Variants in HEPACAM2 observed in about 807,000 individuals in gnomAD.
HEPACAM2 encodes mitotic kinetics regulator.
In HEPACAM2, 49 loss-of-function variants were observed where a neutral mutation model predicts 49.6. The observed-to-expected ratio is 0.99, with a 90% CI of 0.78 to 1.25. The LOEUF (loss-of-function observed/expected upper bound fraction) is 1.25, where lower values mean the gene tolerates loss of function less well. Among genes scored for constraint, HEPACAM2 ranks in the 50% most tolerant of loss-of-function variants. The pLI is 0.00. For synonymous variants in HEPACAM2, 197 were observed against 202.9 expected, an observed-to-expected ratio of 0.97 and a Z score of 0.25; for missense variants, 525 against 557.2, an observed-to-expected ratio of 0.94 and a Z score of 0.58.
chr7:93,226,315 TA>T (rs200511300), intron 1 of HEPACAM2, 52 bp downstream of exon 1: 24,208 of 1,070,976 alleles, frequency 0.023, no homozygotes, highest in Non-Finnish European at 0.025. Context: ...TGTCCACAAT[TA>T]AAAAAAAAAA....
intron 1 of HEPACAM2, among the ~76,000 whole-genome samples, chr7:93,220,202 C>A (rs1794419331): frequency 6.6e-6 from 1 of 152,214 alleles, no homozygotes; most frequent in African/African-American, 2.4e-5. Context: ...GTTTCATGAA[C>A]AGAAAAGGGC....
chr7:93,191,155 A>T (rs945877681), intron 9 of HEPACAM2, among the ~76,000 whole-genome samples: 16 of 152,028 alleles, frequency 1.1e-4, no homozygotes, highest in African/African-American at 3.6e-4. Context: ...TTAAAATATC[A>T]TGTAATAATA....
chr7:93,213,173 A>G (rs1473429936), intron 3 of HEPACAM2, among the ~76,000 whole-genome samples: 2 of 151,896 alleles, frequency 1.3e-5, no homozygotes, highest in Non-Finnish European at 2.9e-5. Context: ...TCTCCACTGC[A>G]GCATTGCCAT....
the HEPACAM2 span, chr7:93,232,212 C>G: frequency 1.3e-5 from 6 of 457,798 alleles, no homozygotes; most frequent in Non-Finnish European, 2.4e-5. Context: ...GTAATATTTA[C>G]CGGCTTAACT....
chr7:93,205,988 A>G (rs1428100964), intron 4 of HEPACAM2, among the ~76,000 whole-genome samples: 2 of 152,144 alleles, frequency 1.3e-5, no homozygotes, highest in Admixed American at 6.6e-5. Flanking sequence ...AAAGGCAATT[A>G]TCTGACGTTA....
chr7:93,194,725 T>TA (rs1793643721), intron 8 of HEPACAM2, among the ~76,000 whole-genome samples: 1 of 152,056 alleles, frequency 6.6e-6, no homozygotes, highest in African/African-American at 2.4e-5. Context: ...ATAGTCTTTT[T>TA]AACAAATGGA....
chr7:93,202,887 C>T (rs1442392085), intron 4 of HEPACAM2, among the ~76,000 whole-genome samples: 1 of 152,118 alleles, frequency 6.6e-6, no homozygotes, highest in African/African-American at 2.4e-5. Flanking sequence ...AGATAAGATA[C>T]ATATGTTCCC....
chr7:93,208,363 TC>T (rs1794082337), intron 4 of HEPACAM2, among the ~76,000 whole-genome samples: 1 of 152,068 alleles, frequency 6.6e-6, no homozygotes, highest in Non-Finnish European at 1.5e-5. Flanking sequence ...TCATAGCCCT[TC>T]ACAATTGAAT....
intron 1 of HEPACAM2, among the ~76,000 whole-genome samples, chr7:93,224,579 A>C (rs1398185907): frequency 7.9e-5 from 12 of 152,176 alleles, no homozygotes; most frequent in Admixed American, 7.9e-4. Flanking sequence ...TGACAATAGC[A>C]CTATAAAAAA....
intron 3 of HEPACAM2, among the ~76,000 whole-genome samples, chr7:93,214,243 A>G (rs1794248311): frequency 6.6e-6 from 1 of 152,150 alleles, no homozygotes; most frequent in Admixed American, 6.6e-5. Context: ...AAGTGAATGA[A>G]TGAATATCAA....
intron 4 of HEPACAM2, among the ~76,000 whole-genome samples, chr7:93,198,705 C>T (rs969683024): frequency 6.6e-6 from 1 of 152,134 alleles, no homozygotes; most frequent in East Asian, 1.9e-4. Flanking sequence ...TCATGTGATG[C>T]CATTTCCATT....
intron 3 of HEPACAM2, among the ~76,000 whole-genome samples, chr7:93,214,106 A>G (rs1794245116): frequency 6.6e-6 from 1 of 152,160 alleles, no homozygotes; most frequent in South Asian, 2.1e-4. Flanking sequence ...TATTAAATTA[A>G]TGGGTCTGGG....
At chr7:93,210,064 G>A (rs1319697371) in intron 3 of HEPACAM2, among the ~76,000 whole-genome samples, 1 of 151,896 alleles carries the variant, frequency 6.6e-6, no homozygotes, top group African/African-American at 2.4e-5. Flanking sequence ...GCCAGTAGGT[G>A]AAGACACTTT....
In HEPACAM2 at chr7:93,197,403, A is replaced by G; in HGVS notation, c.1139-6T>C. On this transcript the variant is annotated splice_polypyrimidine_tract_variant and splice_region_variant and intron_variant, in intron 5 of 9. Transcript: ENST00000394468. ...TTCTAGTTTCTGTTTTATAACTAAAATCAAGAGAGAAGAAAAATGGTAAGG... is the reference window on the plus strand; with the variant it reads ...TTCTAGTTTCTGTTTTATAACTAAAGTCAAGAGAGAAGAAAAATGGTAAGG... 6.3e-7 allele frequency: 1 copy of G among 1,593,734 alleles called. No homozygotes were observed. The highest frequency in any genetic ancestry group is 8.5e-7 in the Non-Finnish European group (1 of 1,170,946).
chr7:93,217,851 T>C (rs947341339), intron 2 of HEPACAM2, among the ~76,000 whole-genome samples: 1 of 150,686 alleles, frequency 6.6e-6, no homozygotes, highest in East Asian at 2.0e-4. Flanking sequence ...CTCTCTCTCT[T>C]TCTATTTTCT....
At chr7:93,190,532 G>T in intron 9 of HEPACAM2, among the ~76,000 whole-genome samples, 1 of 152,032 alleles carries the variant, frequency 6.6e-6, no homozygotes. Context: ...GGGAGGTGGA[G>T]ATGTCACTCA....
chr7:93,226,524 T>A, upstream of HEPACAM2: 1 of 1,024,148 alleles, frequency 9.8e-7, no homozygotes, highest in Non-Finnish European at 1.5e-6. Context: ...AGCAGTGAGG[T>A]AACAGACCCT....
intron 4 of HEPACAM2, among the ~76,000 whole-genome samples, chr7:93,202,034 A>AAAAAAAAAAAAAAAAAAAAAAAC (rs1562824508): frequency 3.1e-3 from 10 of 3,224 alleles, no homozygotes; most frequent in Non-Finnish European, 4.6e-3. Flanking sequence ...AAAAAAACCA[A>AAAAAAAAAAAAAAAAAAAAAAAC]AAAAAAAAAA....
intron 8 of HEPACAM2, among the ~76,000 whole-genome samples, chr7:93,193,615 C>CT (rs1025606281): frequency 1.1e-4 from 17 of 151,986 alleles, no homozygotes; most frequent in Non-Finnish European, 7.4e-5. Context: ...TTTTGATTAT[C>CT]TTTTTTTGAG....
Sources: allele counts gnomAD v4.1 joint callset (sites outside exome capture counted in the v4.1 genomes callset), GRCh38; gene constraint gnomAD v4.1.1; transcripts MANE v1.5; gene names NCBI Gene and HGNC (gene_info 2026-07-23, HGNC 2026-07-21).